Variants in DYNC2H1 observed in about 807,000 individuals in gnomAD.
DYNC2H1 encodes the protein dynein cytoplasmic 2 heavy chain 1.
DYNC2H1 carries 410 observed loss-of-function variants against 570.0 expected under a neutral mutation model. The ratio of observed to expected loss-of-function variants is 0.72; its 90% CI spans 0.66 to 0.78. The LOEUF (loss-of-function observed/expected upper bound fraction) is 0.78. Among genes scored for constraint, DYNC2H1 ranks in the 30% least tolerant of loss-of-function variants. DYNC2H1 has a pLI of 0.00. For missense variants in DYNC2H1, 4,865 were observed against 5,046.4 expected (o/e 0.96, Z 1.09); for synonymous variants, 1,688 against 1,677.6 (o/e 1.01, Z -0.15).
chr11:103,410,645 G>A (rs1179359541), intron 84 of DYNC2H1, among the ~76,000 whole-genome samples: 2 of 152,052 alleles, frequency 1.3e-5, no homozygotes, highest in Non-Finnish European at 2.9e-5. Flanking sequence ...CCCCAGTTTG[G>A]ATCTTAGCTG....
chr11:103,115,030 G>A, intron 3 of DYNC2H1, 147 bp from the exon 4 acceptor site: 1 of 481,594 alleles, frequency 2.1e-6, no homozygotes, highest in Non-Finnish European at 3.7e-6. Context: ...GTATGAAATA[G>A]GAAACAATAA....
At chr11:103,438,827 T>G (rs138736241) in intron 85 of DYNC2H1, among the ~76,000 whole-genome samples, 45 of 152,270 alleles carry the variant, frequency 3.0e-4, no homozygotes, top group Non-Finnish European at 5.7e-4. Flanking sequence ...TCTTCATTCA[T>G]TTATCATTTT....
intron 39 of DYNC2H1, among the ~76,000 whole-genome samples, chr11:103,179,991 T>G (rs1177852099): frequency 6.6e-6 from 1 of 151,744 alleles, no homozygotes; most frequent in Non-Finnish European, 1.5e-5. Context: ...CATATGACAA[T>G]GTAATAAAGT....
chr11:103,188,102 G>A (rs139617781), intron 43 of DYNC2H1, among the ~76,000 whole-genome samples: 103 of 151,678 alleles, frequency 6.8e-4, no homozygotes, highest in Non-Finnish European at 1.1e-3. Context: ...AGTTTATTAC[G>A]GTATAGGTCC....
Position 103,395,921 on chromosome 11 carries a change from A to T in DYNC2H1, c.12157-3742A>T, listed in dbSNP as rs2135631046. Among the ~76,000 whole-genome samples, 3 of 152,298 alleles carry T rather than the reference A, an allele frequency of 2.0e-5. No individual in the cohort carries two copies. In the South Asian group the frequency reaches 6.2e-4, roughly 32 times the overall value. On this transcript the variant is annotated intron_variant, in intron 83 of 88. Coordinates refer to ENST00000375735, the MANE Select transcript of DYNC2H1 (RefSeq NM_001377.3). This position sits in a 1 kb window ranked among gnomAD's most constrained non-coding sequence, Gnocchi z 4.3. The stretch of plus-strand genomic sequence containing the variant: ...GTAGAATTTCCATTACATAGAAGTG[A>T]AGGTATTTTTCCCTTTTCTTTAACC...
At chr11:103,300,052 C>A (rs556773520) in intron 75 of DYNC2H1, among the ~76,000 whole-genome samples, 52 of 152,050 alleles carry the variant, frequency 3.4e-4, no homozygotes, top group African/African-American at 1.2e-3. Flanking sequence ...ACATCTGATA[C>A]TTATCAGCTC....
intron 65 of DYNC2H1, among the ~76,000 whole-genome samples, chr11:103,247,351 G>A (rs965472521): frequency 4.6e-5 from 7 of 151,994 alleles, no homozygotes; most frequent in African/African-American, 1.7e-4. Flanking sequence ...ACAGGCATAC[G>A]TACATGCAAC....
At chr11:103,428,205 A>C (rs1450393725) in intron 84 of DYNC2H1, among the ~76,000 whole-genome samples, 1 of 117,814 alleles carries the variant, frequency 8.5e-6, no homozygotes, top group Non-Finnish European at 1.8e-5. Flanking sequence ...TTTTTTCAGA[A>C]TATCTGAAAG....
rs1864857469 is a variant in DYNC2H1, at chr11:103,252,105, T to C, written c.10043-1180T>C. ...ATGCCCAGCTAATTAAAAACATTTT[T>C]TTTTTTTTTTGCAAAGACGAGGTCT... On this transcript the variant is annotated intron_variant, in intron 65 of 88. Coordinates refer to ENST00000375735, the MANE Select transcript of DYNC2H1 (RefSeq NM_001377.3). This position sits in a 1 kb window ranked among gnomAD's most constrained non-coding sequence, Gnocchi z 4.6. 6.6e-6 allele frequency among the ~76,000 whole-genome samples: 1 copy of C among 152,034 alleles called. No individual in the cohort carries two copies. Among genetic ancestry groups the C allele is most frequent in the African/African-American group, 2.4e-5 (1 of 41,410 alleles).
intron 81 of DYNC2H1, among the ~76,000 whole-genome samples, chr11:103,321,726 G>A (rs1291094401): frequency 6.6e-6 from 1 of 152,020 alleles, no homozygotes; most frequent in Non-Finnish European, 1.5e-5. Flanking sequence ...TCAGCCAGCT[G>A]TAGCTTTTTG....
At chr11:103,276,391 A>G (rs1203801326) in intron 70 of DYNC2H1, among the ~76,000 whole-genome samples, 1 of 152,166 alleles carries the variant, frequency 6.6e-6, no homozygotes, top group Non-Finnish European at 1.5e-5. Flanking sequence ...ACACATACAT[A>G]TAATACTAGA....
chr11:103,193,636 C>T (rs956560516), intron 47 of DYNC2H1, among the ~76,000 whole-genome samples: 9 of 151,882 alleles, frequency 5.9e-5, no homozygotes, highest in East Asian at 3.9e-4. Flanking sequence ...CTCCGCCTCC[C>T]GGGTTTAACT....
chr11:103,442,728 A>G lies in DYNC2H1; in HGVS notation c.12456+6696A>G, dbSNP rs902156732. On this transcript the variant is annotated intron_variant, in intron 85 of 88. Coordinates refer to ENST00000375735, the MANE Select transcript of DYNC2H1 (RefSeq NM_001377.3). ...AAATCTTTCCCGAATTTCTATCTGCATTGCACCTTTCATCACATGCATACC... is the reference window on the plus strand; with the variant it reads ...AAATCTTTCCCGAATTTCTATCTGCGTTGCACCTTTCATCACATGCATACC... Among the ~76,000 whole-genome samples, 3 of 152,242 alleles carry G rather than the reference A, an allele frequency of 2.0e-5. No homozygotes were observed. In the East Asian group the frequency reaches 5.8e-4, roughly 29 times the overall value.
At chr11:103,476,328 T>G (rs191017062) in intron 88 of DYNC2H1, among the ~76,000 whole-genome samples, 30 of 152,332 alleles carry the variant, frequency 2.0e-4, no homozygotes, top group African/African-American at 7.0e-4. Context: ...GAGTAGCATT[T>G]TCTTTATTTT....
chr11:103,477,832 CA>C (rs55817710), intron 88 of DYNC2H1, among the ~76,000 whole-genome samples: 14,864 of 71,214 alleles, frequency 0.21, 675 homozygotes, highest in East Asian at 0.26. Context: ...CTCCCCATCT[CA>C]AAAAAAAAAA....
chr11:103,372,153 C>T (rs1034692810), intron 83 of DYNC2H1, among the ~76,000 whole-genome samples: 2 of 147,808 alleles, frequency 1.4e-5, no homozygotes, highest in Non-Finnish European at 3.0e-5. Context: ...AATTCTCATG[C>T]TTCAGCCTCC....
Position 103,264,611 on chromosome 11 carries a change from A to T in DYNC2H1, c.10695+4634A>T, listed in dbSNP as rs1865438142. 6.6e-6 allele frequency among the ~76,000 whole-genome samples: 1 copy of T among 152,234 alleles called. No homozygotes were observed. The highest frequency in any genetic ancestry group is 1.5e-5 in the Non-Finnish European group (1 of 68,036). On this transcript the variant is annotated intron_variant, in intron 70 of 88. Coordinates refer to ENST00000375735, the MANE Select transcript of DYNC2H1 (RefSeq NM_001377.3). The surrounding 1 kb of genome is among the most constrained non-coding windows in gnomAD (Gnocchi z 4.8). Reference sequence around the variant, plus strand: ...AAAAACCACATGATTATCTCAATAGATGCAGAAAAGGCCTCCAATAAAATT... The same window carrying T: ...AAAAACCACATGATTATCTCAATAGTTGCAGAAAAGGCCTCCAATAAAATT...
At chr11:103,178,211 G>C (rs1338104250) in intron 38 of DYNC2H1, among the ~76,000 whole-genome samples, 1 of 152,066 alleles carries the variant, frequency 6.6e-6, no homozygotes, top group African/African-American at 2.4e-5. Flanking sequence ...AAAGTATTTT[G>C]AATACTTTTG....
intron 88 of DYNC2H1, 137 bp from the exon 89 acceptor site, chr11:103,478,958 G>C (rs1945657261): frequency 2.1e-6 from 2 of 964,998 alleles, no homozygotes; most frequent in Non-Finnish European, 1.5e-6. Context: ...TTTGTTGCAG[G>C]GGGATGATAG....
Sources: gnomAD v4.1 joint callset for allele counts (sites outside exome capture counted in the v4.1 genomes callset) on GRCh38, gnomAD v4.1.1 for gene constraint, Gnocchi (gnomAD v3.1) non-coding constraint, MANE v1.5 for transcripts, NCBI Gene and HGNC (gene_info 2026-07-23, HGNC 2026-07-21) for gene names.